The following FAM53B variants were observed in gnomAD, a reference collection of about 807,000 sequenced individuals.
The protein encoded by FAM53B is family with sequence similarity 53 member B, also known as protein FAM53B.
In FAM53B, 12 loss-of-function variants were observed where a neutral mutation model predicts 32.7. That is an observed-to-expected ratio of 0.37 (90% CI 0.24 to 0.59). The LOEUF (loss-of-function observed/expected upper bound fraction) is 0.59. Among genes scored for constraint, FAM53B ranks in the 20% least tolerant of loss-of-function variants. FAM53B has a pLI of 0.72. For synonymous variants in FAM53B, 234 were observed against 228.7 expected, an observed-to-expected ratio of 1.02 and a Z score of -0.21; for missense variants, 477 against 577.7, an observed-to-expected ratio of 0.83 and a Z score of 1.79.
chr10:124,661,950 C>T (rs1221997080), intron 4 of FAM53B, among the ~76,000 whole-genome samples: 4 of 152,210 alleles, frequency 2.6e-5, no homozygotes, highest in Non-Finnish European at 4.4e-5. Flanking sequence ...GGGCTCCGAT[C>T]GGTGAGCCCG....
In FAM53B at chr10:124,625,839, G is replaced by A. The variant is rs370112770; in HGVS notation, c.907-2235C>T. Among the ~76,000 whole-genome samples the A allele has an allele frequency of 8.5e-5, 13 of 152,338 alleles. No individual in the cohort carries two copies. In the South Asian group the frequency reaches 1.0e-3, roughly 12 times the overall value. ...GGGCTCTGCTGAGCCAGGCTGCCCC[G>A]ACAGAGGAGGCCTAGGGTGAGGCCA... On this transcript the variant is annotated intron_variant, in intron 4 of 4. Coordinates refer to ENST00000337318, the MANE Select transcript of FAM53B (RefSeq NM_014661.4).
At chr10:124,737,840 C>T (rs1950181245) in intron 1 of FAM53B, among the ~76,000 whole-genome samples, 2 of 152,108 alleles carry the variant, frequency 1.3e-5, no homozygotes, top group Admixed American at 1.3e-4. Flanking sequence ...ATCTTTCCTC[C>T]CCTGAGCCCC....
intron 4 of FAM53B, among the ~76,000 whole-genome samples, chr10:124,662,415 C>T (rs944028910): frequency 2.0e-5 from 3 of 152,064 alleles, no homozygotes; most frequent in Admixed American, 6.5e-5. Flanking sequence ...TGAGTTCGTT[C>T]GTCCGTCCAT....
At chr10:124,693,528 T>C (rs1436126519) in intron 3 of FAM53B, among the ~76,000 whole-genome samples, 1 of 146,162 alleles carries the variant, frequency 6.8e-6, no homozygotes, top group African/African-American at 2.6e-5. Context: ...CTGGGTGGAG[T>C]GCACTCCCAG....
chr10:124,725,915 C>T (rs1008031119), intron 1 of FAM53B, among the ~76,000 whole-genome samples: 1 of 152,158 alleles, frequency 6.6e-6, no homozygotes, highest in African/African-American at 2.4e-5. Context: ...AAGACCCACA[C>T]AGGCCAACCC....
At chr10:124,691,323 G>A (rs1342089779) in intron 3 of FAM53B, among the ~76,000 whole-genome samples, 2 of 152,208 alleles carry the variant, frequency 1.3e-5, no homozygotes, top group Non-Finnish European at 2.9e-5. Flanking sequence ...CTGAACTGGG[G>A]CGGCACAAGG....
intron 4 of FAM53B, among the ~76,000 whole-genome samples, chr10:124,626,146 G>T (rs909561362): frequency 1.3e-5 from 2 of 152,266 alleles, no homozygotes; most frequent in African/African-American, 4.8e-5. Flanking sequence ...CATGTGAGGG[G>T]CCTGGGGCGT....
chr10:124,633,422 T>A (rs1362487799), intron 4 of FAM53B, among the ~76,000 whole-genome samples: 1 of 152,076 alleles, frequency 6.6e-6, no homozygotes, highest in Non-Finnish European at 1.5e-5. Context: ...ATCCCCATGG[T>A]CTTAAGACAG....
chr10:124,709,843 G>GAA (rs35504510), intron 1 of FAM53B, among the ~76,000 whole-genome samples: 105 of 128,022 alleles, frequency 8.2e-4, no homozygotes, highest in Middle Eastern at 3.8e-3. Flanking sequence ...CTCAAAAAAA[G>GAA]AAAAAAAAAA....
In FAM53B at chr10:124,623,332, C is replaced by G. The variant is rs546079463; in HGVS notation, c.1179G>C (p.Pro393=). ...LDEDCGRRAE[P]AAAWRDRGAP... ...CCCCGCGGTCCCGCCAGGCTGCAGC[C>G]GGCTCCGCTCTCCTGCCACAATCCT... The change falls in exon 5 of 5, where the codon CCG becomes CCC. Residue 393 remains proline, a synonymous_variant. Coordinates refer to ENST00000337318, the MANE Select transcript of FAM53B (RefSeq NM_014661.4). 6.2e-7 allele frequency: 1 copy of G among 1,612,312 alleles called. No individual in the cohort carries two copies. Among genetic ancestry groups the G allele is most frequent in the South Asian group, 1.1e-5 (1 of 91,072 alleles).
chr10:124,621,827 A>G lies in FAM53B; in HGVS notation c.*1415T>C, dbSNP rs999594581. ...GTCAGCCAACACAAGGGAGCGCACC[A>G]GTTATTTTTAGCCTTATGGGAAAAT... On this transcript the variant is annotated 3_prime_UTR_variant, in exon 5 of 5. Coordinates refer to ENST00000337318, the MANE Select transcript of FAM53B (RefSeq NM_014661.4). The G allele has an allele frequency of 3.3e-5, 5 of 152,340 alleles. No homozygotes were observed. The highest frequency in any genetic ancestry group is 7.3e-5 in the Non-Finnish European group (5 of 68,054). 9.4% of individuals were successfully genotyped at this position (152,340 alleles called of 1,614,324 possible).
chr10:124,665,693 T>G (rs1009276654), intron 4 of FAM53B, among the ~76,000 whole-genome samples: 1 of 152,202 alleles, frequency 6.6e-6, no homozygotes, highest in East Asian at 1.9e-4. Context: ...GCCGGTGATA[T>G]GGCCCTTTCC....
chr10:124,658,814 G>A (rs767918616), intron 4 of FAM53B, among the ~76,000 whole-genome samples: 3 of 152,172 alleles, frequency 2.0e-5, no homozygotes, highest in South Asian at 2.1e-4. Flanking sequence ...CATGCTCCCC[G>A]TGTCCGCCTG....
At chr10:124,658,385 C>G (rs1949609440) in intron 4 of FAM53B, among the ~76,000 whole-genome samples, 1 of 152,200 alleles carries the variant, frequency 6.6e-6, no homozygotes. Flanking sequence ...GACCCTCCTG[C>G]CCATTGCCAC....
chr10:124,695,714 G>GGTAA (rs145433875), intron 3 of FAM53B, among the ~76,000 whole-genome samples: 8,535 of 152,164 alleles, frequency 0.056, 768 homozygotes, highest in African/African-American at 0.19. Context: ...GGAAGATGAT[G>GGTAA]GTAACTACTC....
Position 124,634,252 on chromosome 10 carries a change from C to T in FAM53B, c.907-10648G>A, listed in dbSNP as rs562557510. ...AGAAAGGAGATACTGATACATGCTA[C>T]GGTGTGGATGACCCTTGAAAGCATG... On this transcript the variant is annotated intron_variant, in intron 4 of 4. Transcript: ENST00000337318. Among the ~76,000 whole-genome samples the T allele has an allele frequency of 2.7e-3, 404 of 152,324 alleles. 2 individuals are homozygous for T. The highest frequency in any genetic ancestry group is 9.4e-3 in the African/African-American group (390 of 41,574).
intron 4 of FAM53B, among the ~76,000 whole-genome samples, chr10:124,661,481 G>C (rs988352783): frequency 6.6e-6 from 1 of 152,214 alleles, no homozygotes; most frequent in African/African-American, 2.4e-5. Flanking sequence ...GCCCAAACAG[G>C]ATCTGACACC....
At chr10:124,648,559 T>C (rs554685560) in intron 4 of FAM53B, among the ~76,000 whole-genome samples, 31 of 152,254 alleles carry the variant, frequency 2.0e-4, no homozygotes, top group African/African-American at 7.0e-4. Context: ...TCAAGAATAA[T>C]TGCCATGGGG....
chr10:124,729,220 G>A (rs1444764755), intron 1 of FAM53B, among the ~76,000 whole-genome samples: 1 of 152,210 alleles, frequency 6.6e-6, no homozygotes, highest in Non-Finnish European at 1.5e-5. Flanking sequence ...TTAGGGCAGA[G>A]CCTAATCTCG....
Sources: allele counts gnomAD v4.1 joint callset (sites outside exome capture counted in the v4.1 genomes callset), GRCh38; gene constraint gnomAD v4.1.1; transcripts MANE v1.5; gene names NCBI Gene and HGNC (gene_info 2026-07-23, HGNC 2026-07-21).